PTPRD: variants seen among roughly 807,000 people sequenced by gnomAD.
PTPRD encodes the protein protein tyrosine phosphatase receptor type D.
PTPRD carries 34 observed loss-of-function variants against 214.5 expected under a neutral mutation model. The ratio of observed to expected loss-of-function variants is 0.16; its 90% confidence interval spans 0.12 to 0.21. The LOEUF is 0.21. Ranked by LOEUF, PTPRD falls within the 10% of genes least tolerant of loss-of-function variation. The pLI, the probability that PTPRD is intolerant of heterozygous loss-of-function variation, is 1.00. For missense variants in PTPRD, 2,545 were observed against 2,398.7 expected, an observed-to-expected ratio of 1.06 and a Z score of -1.27; for synonymous variants, 1,128 against 845.7, an observed-to-expected ratio of 1.33 and a Z score of -5.79.
At position 10,473,035 on chromosome 9, in the gene PTPRD, T is replaced by C. The variant is rs142561854; in HGVS notation, c.-599-132018A>G. Among the ~76,000 whole-genome samples the C allele has an allele frequency of 5.0e-3, 767 of 152,208 alleles. 1 individual carries two copies. Among genetic ancestry groups the C allele is most frequent in the African/African-American group, 0.017 (727 of 41,562 alleles). On this transcript the variant is annotated intron_variant, in intron 2 of 45. Coordinates refer to ENST00000381196, the MANE Select transcript of PTPRD (RefSeq NM_002839.4). ...TTAAGCTTATTTAATACATTAAGATTATTTTAATGTATATGACCAAATTAA... is the reference window on the plus strand; with the variant it reads ...TTAAGCTTATTTAATACATTAAGATCATTTTAATGTATATGACCAAATTAA...
chr9:9,025,429 T>C (rs1361984544), intron 10 of PTPRD, among the ~76,000 whole-genome samples: 1 of 152,042 alleles, frequency 6.6e-6, no homozygotes, highest in South Asian at 2.1e-4. Context: ...AGGGAATTCA[T>C]GAGCAGATGT....
intron 11 of PTPRD, among the ~76,000 whole-genome samples, chr9:8,859,271 C>T (rs2098042333): frequency 6.6e-6 from 1 of 152,204 alleles, no homozygotes; most frequent in African/African-American, 2.4e-5. Context: ...CACCTCTTCC[C>T]TAGACAAGCA....
At chr9:8,415,343 A>AT (rs1219428655) in intron 35 of PTPRD, among the ~76,000 whole-genome samples, 1 of 152,230 alleles carries the variant, frequency 6.6e-6, no homozygotes, top group Non-Finnish European at 1.5e-5. Flanking sequence ...TGTGCAGTAC[A>AT]TAAGCTGGCT....
At chr9:9,968,659 T>G (rs1424864447) in intron 4 of PTPRD, among the ~76,000 whole-genome samples, 1 of 152,096 alleles carries the variant, frequency 6.6e-6, no homozygotes, top group Non-Finnish European at 1.5e-5. Context: ...GTTCCTTTCT[T>G]TATGAATTCT....
rs117106102 is a variant in PTPRD at position 8,686,982 on chromosome 9, G to T, written c.64+46798C>A. On this transcript the variant is annotated intron_variant, in intron 12 of 45. Coordinates refer to ENST00000381196, the MANE Select transcript of PTPRD (RefSeq NM_002839.4). ...GTAAGATATGGTATTTCCCCCGGGGGAGAAGAGCCTGTGTAACATTGCTTT... is the reference window on the plus strand; with the variant it reads ...GTAAGATATGGTATTTCCCCCGGGGTAGAAGAGCCTGTGTAACATTGCTTT... Among the ~76,000 whole-genome samples the T allele has an allele frequency of 2.2e-3, 331 of 152,270 alleles. 2 individuals carry two copies. Among genetic ancestry groups the T allele is most frequent in the East Asian group, 0.014 (73 of 5,174 alleles).
At chr9:9,976,004 T>G (rs763584291) in intron 4 of PTPRD, among the ~76,000 whole-genome samples, 4 of 152,136 alleles carry the variant, frequency 2.6e-5, no homozygotes, top group Non-Finnish European at 5.9e-5. Context: ...CAGCTTTGGA[T>G]AGCTGGAGTA....
chr9:9,341,858 G>C (rs2046930110), intron 9 of PTPRD, among the ~76,000 whole-genome samples: 1 of 152,018 alleles, frequency 6.6e-6, no homozygotes, highest in Non-Finnish European at 1.5e-5. Context: ...ACCCAGGCTG[G>C]AGTTCAGTGT....
At chr9:9,065,654 T>G (rs1450623143) in intron 10 of PTPRD, among the ~76,000 whole-genome samples, 1 of 152,134 alleles carries the variant, frequency 6.6e-6, no homozygotes, top group Non-Finnish European at 1.5e-5. Context: ...CAAGCTATGA[T>G]GGAAGAAGGA....
intron 12 of PTPRD, among the ~76,000 whole-genome samples, chr9:8,672,847 G>C (rs534714898): frequency 4.1e-5 from 6 of 145,796 alleles, no homozygotes; most frequent in African/African-American, 7.5e-5. Context: ...TACTCTGTGT[G>C]GGGGGGGTGG....
intron 3 of PTPRD, among the ~76,000 whole-genome samples, chr9:10,268,553 C>G (rs1257763068): frequency 1.3e-5 from 2 of 152,124 alleles, no homozygotes; most frequent in African/African-American, 4.8e-5. Flanking sequence ...GACACTCTTC[C>G]TTTCCACCTA....
chr9:9,408,356 G>A (rs776843733), intron 8 of PTPRD, among the ~76,000 whole-genome samples: 68 of 151,686 alleles, frequency 4.5e-4, no homozygotes, highest in Non-Finnish European at 1.8e-4. Context: ...AAAATCATAA[G>A]CACGACAAGC....
intron 2 of PTPRD, among the ~76,000 whole-genome samples, chr9:10,485,305 A>C (rs1566427079): frequency 6.6e-6 from 1 of 152,032 alleles, no homozygotes; most frequent in African/African-American, 2.4e-5. Context: ...TGATACTTCC[A>C]ATTTTATTAA....
At chr9:10,507,853 A>G (rs532601711) in intron 2 of PTPRD, among the ~76,000 whole-genome samples, 197 of 152,298 alleles carry the variant, frequency 1.3e-3, no homozygotes, top group African/African-American at 4.6e-3. Context: ...ACCCTAGAAG[A>G]AAACCTAGGC....
intron 14 of PTPRD, among the ~76,000 whole-genome samples, chr9:8,605,361 T>C (rs1416807120): frequency 6.6e-6 from 1 of 152,192 alleles, no homozygotes; most frequent in Non-Finnish European, 1.5e-5. Flanking sequence ...TGCCTGCTCT[T>C]TGAGCTCATT....
At chr9:9,968,101 G>C (rs969592806) in intron 4 of PTPRD, among the ~76,000 whole-genome samples, 1 of 152,118 alleles carries the variant, frequency 6.6e-6, no homozygotes, top group African/African-American at 2.4e-5. Context: ...CTAGGTAAAA[G>C]AATCCTATTT....
intron 11 of PTPRD, among the ~76,000 whole-genome samples, chr9:8,958,153 A>G (rs1202675347): frequency 6.6e-6 from 1 of 151,904 alleles, no homozygotes; most frequent in Non-Finnish European, 1.5e-5. Context: ...GTGTGCTTTT[A>G]AATATGAGAC....
At chr9:9,564,967 G>A (rs1278364624) in intron 8 of PTPRD, among the ~76,000 whole-genome samples, 11 of 117,436 alleles carry the variant, frequency 9.4e-5, no homozygotes, top group Non-Finnish European at 1.5e-4. Context: ...GCTTCATAAA[G>A]ATTTAAATGA....
chr9:9,553,377 C>T (rs1353913415), intron 8 of PTPRD, among the ~76,000 whole-genome samples: 1 of 152,046 alleles, frequency 6.6e-6, no homozygotes, highest in Non-Finnish European at 1.5e-5. Context: ...CAACATTGTA[C>T]AAACCTAATC....
intron 7 of PTPRD, among the ~76,000 whole-genome samples, chr9:9,671,640 C>T (rs971391830): frequency 1.3e-5 from 2 of 152,034 alleles, no homozygotes; most frequent in African/African-American, 2.4e-5. Context: ...AGGGCAGTTT[C>T]CCCCATACTG....
Sources: gnomAD v4.1 joint callset for allele counts (sites outside exome capture counted in the v4.1 genomes callset) on GRCh38, gnomAD v4.1.1 for gene constraint, MANE v1.5 for transcripts, NCBI Gene and HGNC (gene_info 2026-07-23, HGNC 2026-07-21) for gene names.